The following PLB1 variants were observed in gnomAD, a reference collection of about 807,000 sequenced individuals.
The protein encoded by PLB1 is phospholipase B1.
A neutral mutation model predicts 227.4 loss-of-function variants in PLB1; 242 were observed. That is an observed-to-expected ratio of 1.06 (90% CI 0.96 to 1.18). PLB1 has a LOEUF of 1.18. PLB1 is among the 50% of genes most tolerant of loss of function. The pLI, the probability that PLB1 is intolerant of heterozygous loss-of-function variation, is 0.00. For synonymous variants in PLB1, 757 were observed against 682.2 expected, an observed-to-expected ratio of 1.11 and a Z score of -1.71; for missense variants, 1,858 against 1,816.3, an observed-to-expected ratio of 1.02 and a Z score of -0.42.
At chr2:28,570,655 G>T (rs1407847175) in intron 20 of PLB1, among the ~76,000 whole-genome samples, 1 of 152,152 alleles carries the variant, frequency 6.6e-6, no homozygotes, top group East Asian at 1.9e-4. Context: ...GTGTGGTGGC[G>T]GGTGCCTGTA....
intron 1 of PLB1, among the ~76,000 whole-genome samples, chr2:28,505,395 ATCATTAAC>A (rs1236347554): frequency 1.3e-5 from 2 of 152,258 alleles, no homozygotes; most frequent in African/African-American, 4.8e-5. Context: ...AAACTGAAAT[ATCATTAAC>A]TCAACTGCAG....
In PLB1 at chr2:28,582,081, C is replaced by A. The variant is rs2148270893; in HGVS notation, c.1580C>A (p.Pro527His). The change falls in exon 24 of 58, where the codon CCC becomes CAC. Residue 527 changes from proline (P) to histidine (H), a missense_variant. Physicochemically the swap from Pro to His is moderately conservative, Grantham distance 77. Transcript: ENST00000327757. ...DFCNDLVHYSPQNFTDNIGKA... is the reference protein window; with the variant it reads ...DFCNDLVHYSHQNFTDNIGKA... ...CTCTTCCTGCAGGTCCACTATTCTC[C>A]CCAGAACTTCACAGACAACATTGGA... is the stretch of plus-strand genomic sequence containing the variant. The A allele has an allele frequency of 1.2e-6, 2 of 1,613,906 alleles. No individual in the cohort carries two copies. The highest frequency in any genetic ancestry group is 1.6e-4 in the Middle Eastern group (1 of 6,062).
intron 17 of PLB1, among the ~76,000 whole-genome samples, 154 bp from the exon 18 acceptor site, chr2:28,562,887 G>C (rs7560628): frequency 0.91 from 138,643 of 152,052 alleles, 63,577 homozygotes; most frequent in East Asian, 0.99. Context: ...CATTGACAAG[G>C]ATGGGTTTTT....
At chr2:28,642,621 G>T (rs74607470) in intron 57 of PLB1, among the ~76,000 whole-genome samples, 2 of 152,296 alleles carry the variant, frequency 1.3e-5, no homozygotes, top group East Asian at 3.9e-4. Context: ...TGATGGCCAA[G>T]GAAACGCTGG....
intron 41 of PLB1, 79 bp from the exon 42 acceptor site, chr2:28,605,774 C>A: frequency 8.8e-7 from 1 of 1,133,704 alleles, no homozygotes; most frequent in South Asian, 1.3e-5. Context: ...GTTGAGTGGT[C>A]AGTCCCAGGG....
rs1009798189 is a variant in PLB1, at chr2:28,514,847, A to AT, written c.56-1954dup. On this transcript the variant is annotated intron_variant, in intron 1 of 57. Coordinates refer to ENST00000327757, the MANE Select transcript of PLB1 (RefSeq NM_153021.5). ...TGTCATCTTTTTCTATTTTTATTTT[A>AT]TTTTTTTATTTTTTTAGAGATGGGT... is the stretch of plus-strand genomic sequence containing the variant. Among the ~76,000 whole-genome samples the AT allele has an allele frequency of 1.7e-4, 26 of 151,986 alleles. 1 individual carries two copies. Among genetic ancestry groups the AT allele is most frequent in the Middle Eastern group, 3.4e-3 (1 of 294 alleles).
At chr2:28,626,246 T>C (rs940330044) in intron 50 of PLB1, among the ~76,000 whole-genome samples, 182 bp from the exon 51 acceptor site, 33 of 152,162 alleles carry the variant, frequency 2.2e-4, no homozygotes, top group Admixed American at 9.2e-4. Context: ...TCCACCTGCC[T>C]CAGCCTCCCA....
intron 44 of PLB1, among the ~76,000 whole-genome samples, chr2:28,615,450 G>A (rs1686061226): frequency 6.6e-6 from 1 of 152,176 alleles, no homozygotes; most frequent in African/African-American, 2.4e-5. Flanking sequence ...GGAGTGATTG[G>A]GGAAAGACAT....
At chr2:28,629,222 C>T (rs1688259707) in intron 53 of PLB1, 37 bp downstream of exon 53, 14 of 1,598,180 alleles carry the variant, frequency 8.8e-6, no homozygotes, top group African/African-American at 1.3e-5. Flanking sequence ...GCAAGGGCAC[C>T]TGGGGTGAGG....
At chr2:28,522,572 G>T (rs1669663499) in intron 4 of PLB1, among the ~76,000 whole-genome samples, 1 of 152,168 alleles carries the variant, frequency 6.6e-6, no homozygotes, top group African/African-American at 2.4e-5. Context: ...AGGACTCTCG[G>T]GTCCTTCTGC....
intron 21 of PLB1, among the ~76,000 whole-genome samples, chr2:28,575,796 C>A (rs1573087299): frequency 6.6e-6 from 1 of 152,282 alleles, no homozygotes; most frequent in South Asian, 2.1e-4. Context: ...CATGATCTGC[C>A]CACCTCGGCC....
intron 31 of PLB1, among the ~76,000 whole-genome samples, chr2:28,592,142 C>A (rs1194758072): frequency 1.3e-5 from 2 of 152,154 alleles, no homozygotes; most frequent in Non-Finnish European, 2.9e-5. Flanking sequence ...TGGAAGTTTC[C>A]CTGGGCTGTT....
At chr2:28,609,396 G>T (rs1481801872) in intron 43 of PLB1, among the ~76,000 whole-genome samples, 1 of 151,886 alleles carries the variant, frequency 6.6e-6, no homozygotes, top group Non-Finnish European at 1.5e-5. Flanking sequence ...CCCCTTGGAT[G>T]CTCTATCTGG....
At chr2:28,641,541 G>A (rs1689976910) in intron 57 of PLB1, among the ~76,000 whole-genome samples, 1 of 152,214 alleles carries the variant, frequency 6.6e-6, no homozygotes, top group Admixed American at 6.5e-5. Context: ...CCGGGAGGCA[G>A]AGGTTGCAGT....
chr2:28,531,944 G>C (rs565699379), intron 8 of PLB1, among the ~76,000 whole-genome samples, 164 bp from the exon 9 acceptor site: 92 of 152,214 alleles, frequency 6.0e-4, no homozygotes, highest in African/African-American at 2.2e-3. Flanking sequence ...ATCTAGAGCA[G>C]TTATACCACT....
chr2:28,636,538 G>A (rs142108120), intron 56 of PLB1, among the ~76,000 whole-genome samples: 44 of 152,288 alleles, frequency 2.9e-4, no homozygotes, highest in African/African-American at 1.1e-3. Flanking sequence ...AATATTCACA[G>A]CAGCACTATT....
intron 56 of PLB1, among the ~76,000 whole-genome samples, chr2:28,637,329 A>G (rs999367107): frequency 3.3e-5 from 5 of 151,684 alleles, no homozygotes; most frequent in African/African-American, 1.2e-4. Context: ...GTTTACTTGA[A>G]AAACAATATC....
intron 33 of PLB1, chr2:28,593,963 AT>A: frequency 2.3e-6 from 1 of 428,740 alleles, no homozygotes; most frequent in East Asian, 3.0e-5. Flanking sequence ...TTTTTTTTTG[AT>A]TGTGCAGAGA....
At chr2:28,545,614 T>G (rs1033108627) in intron 14 of PLB1, among the ~76,000 whole-genome samples, 2 of 152,164 alleles carry the variant, frequency 1.3e-5, no homozygotes, top group Admixed American at 6.5e-5. Context: ...CTAAGCACCC[T>G]TAGCCAGCAC....
Sources: gnomAD v4.1 joint callset for allele counts (sites outside exome capture counted in the v4.1 genomes callset) on GRCh38, gnomAD v4.1.1 for gene constraint, MANE v1.5 for transcripts, NCBI Gene and HGNC (gene_info 2026-07-23, HGNC 2026-07-21) for gene names.